Variants in PITPNM2 observed in about 807,000 individuals in gnomAD.
The protein encoded by PITPNM2 is membrane-associated phosphatidylinositol transfer protein 2.
Under a neutral mutation model 132.2 loss-of-function variants are expected in PITPNM2, and 35 were observed. The ratio of observed to expected loss-of-function variants is 0.26; its 90% CI spans 0.20 to 0.35. The LOEUF is 0.35. Ranked by LOEUF, PITPNM2 falls within the 10% of genes least tolerant of loss-of-function variation. The pLI is 1.00. For missense variants in PITPNM2, 1,332 were observed against 1,912.0 expected, an observed-to-expected ratio of 0.70 and a Z score of 5.66; for synonymous variants, 738 against 799.2, an observed-to-expected ratio of 0.92 and a Z score of 1.29.
In PITPNM2 at chr12:122,992,137, C is replaced by T. The variant is rs1170290081; in HGVS notation, c.2404+362G>A. Reference sequence around the variant, plus strand: ...TGATGGGACCCAGCCGACCCAGGCCCCCTACTAAGTGAGGGTCCCTGCTGG... The same window carrying T: ...TGATGGGACCCAGCCGACCCAGGCCTCCTACTAAGTGAGGGTCCCTGCTGG... On this transcript the variant is annotated intron_variant, in intron 16 of 25. Transcript: ENST00000320201. The surrounding 1 kb of genome is among the most constrained non-coding windows in gnomAD (Gnocchi z 6.5). 6.6e-6 allele frequency among the ~76,000 whole-genome samples: 1 copy of T among 152,132 alleles called. No homozygotes were observed. Among genetic ancestry groups the T allele is most frequent in the East Asian group, 1.9e-4 (1 of 5,188 alleles).
At chr12:123,146,323 G>A (rs184711830) in intron 1 of PITPNM2, among the ~76,000 whole-genome samples, 164 of 152,272 alleles carry the variant, frequency 1.1e-3, no homozygotes, top group African/African-American at 3.9e-3. Flanking sequence ...AGCTGGGCGT[G>A]GTGGCTCATG....
chr12:123,078,005 C>T lies in PITPNM2; in HGVS notation c.-96+32380G>A, dbSNP rs895762361. 2.0e-5 allele frequency among the ~76,000 whole-genome samples: 3 copies of T among 151,784 alleles called. No homozygotes were observed. The highest frequency in any genetic ancestry group is 2.9e-5 in the Non-Finnish European group (2 of 67,964). ...TGGAGACAGAGGACACTGAGGAGCA[C>T]GCGTGTCCCCAGGATGGGTGGACGG... On this transcript the variant is annotated intron_variant, in intron 2 of 25. Transcript: ENST00000320201. This position sits in a 1 kb window ranked among gnomAD's most constrained non-coding sequence, Gnocchi z 7.3.
At position 122,983,595 on chromosome 12, in the gene PITPNM2, C is replaced by T. The variant is rs2037811249; in HGVS notation, c.*2432G>A. On this transcript the variant is annotated 3_prime_UTR_variant, in exon 26 of 26. Coordinates refer to ENST00000320201, the MANE Select transcript of PITPNM2 (RefSeq NM_020845.3). The stretch of plus-strand genomic sequence containing the variant: ...GATGGGGAGATGGGGACACTGCTCA[C>T]ACATGGCCCAGAGAAACAGACGGCA... 1 of 152,712 alleles carries T rather than the reference C, an allele frequency of 6.5e-6. No homozygotes were observed. The highest frequency in any genetic ancestry group is 2.4e-5 in the African/African-American group (1 of 41,452). The allele number at this position is 152,712 out of a possible 1,614,324, so 9.5% of individuals were successfully genotyped here. A position where few individuals can be genotyped will look rare whatever the true frequency, so the allele number is the denominator to read the frequency against.
intron 2 of PITPNM2, among the ~76,000 whole-genome samples, chr12:123,072,264 C>T (rs2041640145): frequency 6.6e-6 from 1 of 152,154 alleles, no homozygotes; most frequent in African/African-American, 2.4e-5. Context: ...ACTGAGGCTC[C>T]GAGAGGTCAA....
chr12:123,132,720 A>G (rs1269408373), intron 1 of PITPNM2, among the ~76,000 whole-genome samples: 1 of 151,684 alleles, frequency 6.6e-6, no homozygotes, highest in Non-Finnish European at 1.5e-5. Context: ...TACTTTCTGT[A>G]TCTGTGTATT....
intron 18 of PITPNM2, among the ~76,000 whole-genome samples, chr12:122,989,313 C>G (rs1447211917): frequency 6.6e-6 from 1 of 152,206 alleles, no homozygotes; most frequent in Non-Finnish European, 1.5e-5. Context: ...GGGTGCTGCC[C>G]TTCTCGCACC....
intron 2 of PITPNM2, among the ~76,000 whole-genome samples, chr12:123,046,693 A>T (rs2040669847): frequency 6.6e-6 from 1 of 152,122 alleles, no homozygotes; most frequent in African/African-American, 2.4e-5. Flanking sequence ...GTCATACAAT[A>T]TGTGCTTTCT....
In PITPNM2 at chr12:123,095,323, G is replaced by A. The variant is rs887738002; in HGVS notation, c.-96+15062C>T. ...AAATCAGAACCGATGGCCCTGTGCTGGGCACAGATCCCGCTTGGCAGCCCC... is the reference window on the plus strand; with the variant it reads ...AAATCAGAACCGATGGCCCTGTGCTAGGCACAGATCCCGCTTGGCAGCCCC... On this transcript the variant is annotated intron_variant, in intron 2 of 25. Coordinates refer to ENST00000320201, the MANE Select transcript of PITPNM2 (RefSeq NM_020845.3). The surrounding 1 kb of genome is among the most constrained non-coding windows in gnomAD (Gnocchi z 5.0). Among the ~76,000 whole-genome samples, 2 of 152,194 alleles carry A rather than the reference G, an allele frequency of 1.3e-5. No individual in the cohort carries two copies. The highest frequency in any genetic ancestry group is 2.1e-4 in the South Asian group (1 of 4,830).
At chr12:123,101,586 G>A (rs1329823998) in intron 2 of PITPNM2, among the ~76,000 whole-genome samples, 2 of 152,190 alleles carry the variant, frequency 1.3e-5, no homozygotes, top group Admixed American at 1.3e-4. Context: ...TTTACGTCCA[G>A]CACATAGTGC....
chr12:123,126,120 C>T lies in PITPNM2; in HGVS notation c.-199-15632G>A, dbSNP rs1406738602. ...TTCTGACCTTGTGATCCGCCTGCCT[C>T]GGCCTCCCAAAGTGCTGGGATTACA... On this transcript the variant is annotated intron_variant, in intron 1 of 25. Coordinates refer to ENST00000320201, the MANE Select transcript of PITPNM2 (RefSeq NM_020845.3). 4.0e-5 allele frequency among the ~76,000 whole-genome samples: 6 copies of T among 151,890 alleles called. No individual in the cohort carries two copies. In the South Asian group the frequency reaches 8.3e-4, roughly 21 times the overall value.
At position 122,987,639 on chromosome 12, in the gene PITPNM2, G is replaced by C. The variant is rs2037992906; in HGVS notation, c.3135C>G (p.Thr1045=). Residue 1045 remains threonine, a synonymous_variant, in exon 22 of 26, where the codon ACC becomes ACG. Coordinates refer to ENST00000320201, the MANE Select transcript of PITPNM2 (RefSeq NM_020845.3). Reference sequence around the variant, plus strand: ...AGAGCCACTCGCCTGAGGGCGGCTGGGTCATGATGTGCACATCCACCTGGG... The same window carrying C: ...AGAGCCACTCGCCTGAGGGCGGCTGCGTCATGATGTGCACATCCACCTGGG... The part of the protein sequence containing the change: ...TGEKVDVHIM[T]QPPSGEWLYL... 6.2e-7 allele frequency: 1 copy of C among 1,613,398 alleles called. No individual in the cohort carries two copies. Among genetic ancestry groups the C allele is most frequent in the Non-Finnish European group, 8.5e-7 (1 of 1,179,784 alleles).
intron 3 of PITPNM2, among the ~76,000 whole-genome samples, chr12:123,016,674 T>C (rs1391970505): frequency 6.6e-6 from 1 of 152,076 alleles, no homozygotes; most frequent in East Asian, 1.9e-4. Context: ...GAAAAAAGAA[T>C]CAATGCTGGT....
chr12:122,995,314 C>G lies in PITPNM2; in HGVS notation c.2054+75G>C. ...ACAGCCCGGGTCTCCTGTTGGCCATCACAGGGGATGTTCCTCCCTCTTGGA... is the reference window on the plus strand; with the variant it reads ...ACAGCCCGGGTCTCCTGTTGGCCATGACAGGGGATGTTCCTCCCTCTTGGA... On this transcript the variant is annotated intron_variant, in intron 14 of 25. Transcript: ENST00000320201. The G allele has an allele frequency of 2.6e-6, 4 of 1,511,758 alleles. No individual in the cohort carries two copies. The South Asian group carries it at 5.2e-5, about 20-fold the overall frequency. 93.6% of individuals were successfully genotyped at this position (1,511,758 alleles called of 1,614,324 possible). A position where few individuals can be genotyped will look rare whatever the true frequency, so the allele number is the denominator to read the frequency against.
chr12:123,123,741 T>G (rs891017833), intron 1 of PITPNM2, among the ~76,000 whole-genome samples: 2 of 151,804 alleles, frequency 1.3e-5, no homozygotes, highest in Admixed American at 1.3e-4. Flanking sequence ...TGGAGATCAG[T>G]CTAGCCAACA....
intron 2 of PITPNM2, among the ~76,000 whole-genome samples, chr12:123,057,837 A>G (rs182576258): frequency 3.9e-5 from 6 of 152,322 alleles, no homozygotes; most frequent in Admixed American, 3.9e-4. Context: ...TGAATTATTA[A>G]CCACAGAGGA....
chr12:122,984,027 C>T lies in PITPNM2; in HGVS notation c.*2000G>A, dbSNP rs368977799. On this transcript the variant is annotated 3_prime_UTR_variant, in exon 26 of 26. Transcript: ENST00000320201. Reference sequence around the variant, plus strand: ...AAAGCAGACCTGGATACAGAAGAGACTTCCCATGGGGGGGCAGGCTGCCCA... The same window carrying T: ...AAAGCAGACCTGGATACAGAAGAGATTTCCCATGGGGGGGCAGGCTGCCCA... 6.5e-6 allele frequency: 1 copy of T among 152,776 alleles called. No homozygotes were observed. Among genetic ancestry groups the T allele is most frequent in the Admixed American group, 6.5e-5 (1 of 15,294 alleles). 9.5% of individuals were successfully genotyped at this position (152,776 alleles called of 1,614,324 possible).
intron 4 of PITPNM2, 123 bp from the exon 5 acceptor site, chr12:123,012,857 G>C: frequency 7.4e-7 from 1 of 1,343,086 alleles, no homozygotes. Context: ...GAGGGTGGAG[G>C]GTAGCCGAGA....
At position 123,012,854 on chromosome 12, in the gene PITPNM2, G is replaced by T. The variant is rs778938561; in HGVS notation, c.294-120C>A. 277 of 1,342,448 alleles carry T rather than the reference G, an allele frequency of 2.1e-4. 2 individuals are homozygous for T. The Middle Eastern group carries it at 2.8e-3, about 14-fold the overall frequency. 83.2% of individuals were successfully genotyped at this position (1,342,448 alleles called of 1,614,324 possible). A position where few individuals can be genotyped will look rare whatever the true frequency, so the allele number is the denominator to read the frequency against. On this transcript the variant is annotated intron_variant, in intron 4 of 25. Transcript: ENST00000320201. The stretch of plus-strand genomic sequence containing the variant: ...GGTGAGCGGGCATGGAAGGAGGGTG[G>T]AGGGTAGCCGAGACTTGCCTGCCCT...
At position 123,117,869 on chromosome 12, in the gene PITPNM2, G is replaced by A. The variant is rs1404199429; in HGVS notation, c.-199-7381C>T. ...GGGACTAGTTATATGAGTAGGGGAG[G>A]TCCACCACTTCAAAGCCTGGCCCCC... On this transcript the variant is annotated intron_variant, in intron 1 of 25. Transcript: ENST00000320201. The surrounding 1 kb of genome is among the most constrained non-coding windows in gnomAD (Gnocchi z 4.7). Among the ~76,000 whole-genome samples the A allele has an allele frequency of 2.0e-5, 3 of 152,198 alleles. No individual in the cohort carries two copies. The East Asian group carries it at 5.8e-4, about 29-fold the overall frequency.
Sources: gnomAD v4.1 joint callset for allele counts (sites outside exome capture counted in the v4.1 genomes callset) on GRCh38, gnomAD v4.1.1 for gene constraint, Gnocchi (gnomAD v3.1) non-coding constraint, MANE v1.5 for transcripts, NCBI Gene and HGNC (gene_info 2026-07-23, HGNC 2026-07-21) for gene names.